Variants in GABRA3 observed in about 807,000 individuals in gnomAD.
GABRA3 encodes gamma-aminobutyric acid receptor subunit alpha-3.
In GABRA3, 10 loss-of-function variants were observed where a neutral mutation model predicts 30.1. That is an observed-to-expected ratio of 0.33 (90% CI 0.20 to 0.56). The LOEUF (loss-of-function observed/expected upper bound fraction) is 0.56. Among genes scored for constraint, GABRA3 ranks in the 20% least tolerant of loss-of-function variants. GABRA3 has a pLI of 0.89. For missense variants in GABRA3, 233 were observed against 392.0 expected (o/e 0.59, Z 3.42); for synonymous variants, 151 against 146.8 (o/e 1.03, Z -0.21).
rs5925144 is a variant in GABRA3, at chrX:152,213,997, G to A, written c.635-5853C>T. ...AACTGATATATTGTGTAGTGGACAA[G>A]TCTGAGCTTTTAGTGTACCCATTGC... is the stretch of plus-strand genomic sequence containing the variant. On this transcript the variant is annotated intron_variant, in intron 6 of 9. Transcript: ENST00000370314. Among the ~76,000 whole-genome samples, 875 of 111,142 alleles carry A rather than the reference G, an allele frequency of 7.9e-3. 5 individuals carry two copies. The highest frequency in any genetic ancestry group is 0.012 in the Non-Finnish European group (614 of 52,872).
chrX:152,192,112 A>G (rs1298447887), intron 8 of GABRA3, among the ~76,000 whole-genome samples: 1 of 112,306 alleles, frequency 8.9e-6, no homozygotes, highest in African/African-American at 3.2e-5. Context: ...TTTCTGTGCC[A>G]TATCTCAGTA....
intron 3 of GABRA3, among the ~76,000 whole-genome samples, chrX:152,288,166 C>G (rs1344568623): frequency 2.7e-5 from 3 of 111,643 alleles, no homozygotes; most frequent in African/African-American, 9.8e-5. Context: ...CTATTCCAAG[C>G]CCAGGCAAAA....
At chrX:152,312,947 G>C (rs1472843967) in intron 3 of GABRA3, among the ~76,000 whole-genome samples, 1 of 111,660 alleles carries the variant, frequency 9.0e-6, no homozygotes, top group Non-Finnish European at 1.9e-5. Context: ...ATTCCGACTG[G>C]TGTGAGATGG....
rs1174793509 is a variant in GABRA3, at chrX:152,238,461, G to T, written c.552-13616C>A. The stretch of plus-strand genomic sequence containing the variant: ...ATATTGGTCTAAAATTCTCTTTTTT[G>T]GTTGTGTCTCTGCCCGGCTTTGGTA... On this transcript the variant is annotated intron_variant, in intron 5 of 9. Coordinates refer to ENST00000370314, the MANE Select transcript of GABRA3 (RefSeq NM_000808.4). Among the ~76,000 whole-genome samples the T allele has an allele frequency of 6.6e-5, 7 of 106,679 alleles. No homozygotes were observed. In the East Asian group the frequency reaches 8.9e-4, roughly 14 times the overall value. 92.6% of individuals were successfully genotyped at this position (106,679 alleles called of 115,157 possible). A position where few individuals can be genotyped will look rare whatever the true frequency, so the allele number is the denominator to read the frequency against.
intron 1 of GABRA3, among the ~76,000 whole-genome samples, chrX:152,402,238 CTT>C (rs1329995847): frequency 1.8e-5 from 2 of 111,714 alleles, no homozygotes; most frequent in Non-Finnish European, 3.8e-5. Context: ...TGGAGGAAAA[CTT>C]TTCTCTATTC....
At chrX:152,364,333 G>C (rs1359092731) in intron 2 of GABRA3, 98 bp downstream of exon 2, 1 of 798,336 alleles carries the variant, frequency 1.3e-6, no homozygotes, top group Non-Finnish European at 1.8e-6. Context: ...TCAGAGACCA[G>C]AGTACTTGGG....
intron 5 of GABRA3, among the ~76,000 whole-genome samples, chrX:152,232,830 C>T (rs1230810529): frequency 9.1e-6 from 1 of 109,813 alleles, no homozygotes; most frequent in Non-Finnish European, 1.9e-5. Flanking sequence ...GTGTAGATAC[C>T]CAAGAGCGAG....
At chrX:152,269,585 A>T (rs1938889993) in intron 4 of GABRA3, among the ~76,000 whole-genome samples, 1 of 112,170 alleles carries the variant, frequency 8.9e-6, no homozygotes, top group South Asian at 3.7e-4. Context: ...TGACTTCAAA[A>T]CTTACTGTAA....
At chrX:152,212,880 G>A (rs1057093583) in intron 6 of GABRA3, among the ~76,000 whole-genome samples, 1 of 111,060 alleles carries the variant, frequency 9.0e-6, no homozygotes, top group African/African-American at 3.3e-5. Flanking sequence ...TTCTTCCACG[G>A]ATTTGGGCTC....
rs1000809593 is a variant in GABRA3, at chrX:152,169,131, C to T, written c.1144-568G>A. On this transcript the variant is annotated intron_variant, in intron 9 of 9. Transcript: ENST00000370314. Reference sequence around the variant, plus strand: ...TAGGCCCCGGACACTTTTTGGTTACCCAAGAAATAACTCCAGAAGGCCGTG... The same window carrying T: ...TAGGCCCCGGACACTTTTTGGTTACTCAAGAAATAACTCCAGAAGGCCGTG... 1.8e-4 allele frequency among the ~76,000 whole-genome samples: 20 copies of T among 112,091 alleles called. 1 individual carries two copies. In the Admixed American group the frequency reaches 1.8e-3, roughly 10 times the overall value.
chrX:152,374,344 T>C lies in GABRA3; in HGVS notation c.-26-9748A>G, dbSNP rs868576602. Among the ~76,000 whole-genome samples the C allele has an allele frequency of 4.6e-3, 402 of 86,702 alleles. 5 individuals are homozygous for C. Among genetic ancestry groups the C allele is most frequent in the African/African-American group, 0.016 (369 of 22,980 alleles). The allele number at this position is 86,702 out of a possible 115,157, so 75.3% of individuals were successfully genotyped here. A position where few individuals can be genotyped will look rare whatever the true frequency, so the allele number is the denominator to read the frequency against. ...AATTTTTTCTTTTCTTTTCTTTTTT[T>C]TTTTTTTTTTTTTTTGAGATGGAAT... On this transcript the variant is annotated intron_variant, in intron 1 of 9. Transcript: ENST00000370314.
chrX:152,374,043 T>C (rs1928918713), intron 1 of GABRA3, among the ~76,000 whole-genome samples: 1 of 111,553 alleles, frequency 9.0e-6, no homozygotes, highest in African/African-American at 3.3e-5. Flanking sequence ...GACATTTGCA[T>C]TTCTCTAATG....
rs1443812605 is a variant in GABRA3 at position 152,340,770 on chromosome X, A to C, written c.262+4811T>G. ...TTTCTTTTTATCATTGGTTCTAAGC[A>C]ATTTTTTCCTTTCTCTTGGTGTAAT... On this transcript the variant is annotated intron_variant, in intron 3 of 9. Transcript: ENST00000370314. Among the ~76,000 whole-genome samples the C allele has an allele frequency of 1.3e-4, 15 of 111,301 alleles. No individual in the cohort carries two copies. The Admixed American group carries it at 1.4e-3, about 11-fold the overall frequency.
chrX:152,424,550 T>C (rs971721880), intron 1 of GABRA3, among the ~76,000 whole-genome samples: 2 of 111,579 alleles, frequency 1.8e-5, no homozygotes, highest in Admixed American at 1.9e-4. Flanking sequence ...CTTGAAATGC[T>C]TCAATGGCTT....
chrX:152,248,545 C>T (rs1009077795), intron 5 of GABRA3, among the ~76,000 whole-genome samples: 4 of 111,089 alleles, frequency 3.6e-5, no homozygotes, highest in Admixed American at 9.6e-5. Context: ...GGAAATGAGC[C>T]GCTTGTCAAT....
intron 9 of GABRA3, among the ~76,000 whole-genome samples, chrX:152,188,851 C>G (rs868273254): frequency 2.4e-4 from 27 of 112,045 alleles, no homozygotes; most frequent in African/African-American, 8.4e-4. Flanking sequence ...GCCAGTTCCT[C>G]TTAGCATATT....
At chrX:152,266,702 T>C (rs943943246) in intron 4 of GABRA3, among the ~76,000 whole-genome samples, 3 of 111,249 alleles carry the variant, frequency 2.7e-5, no homozygotes, top group African/African-American at 9.8e-5. Flanking sequence ...CTATCATTAA[T>C]AGTAATCTCC....
Position 152,331,439 on chromosome X carries a change from G to T in GABRA3, c.262+14142C>A, listed in dbSNP as rs369775220. 2.1e-4 allele frequency among the ~76,000 whole-genome samples: 23 copies of T among 111,433 alleles called. No individual in the cohort carries two copies. The South Asian group carries it at 8.6e-3, about 42-fold the overall frequency. ...TCTGTACCTCACTAACCAGCTCATG[G>T]ACATCTTATGATTTTACAGGCACTT... On this transcript the variant is annotated intron_variant, in intron 3 of 9. Transcript: ENST00000370314.
At chrX:152,209,500 C>T (rs925531682) in intron 6 of GABRA3, among the ~76,000 whole-genome samples, 1 of 111,293 alleles carries the variant, frequency 9.0e-6, no homozygotes, top group African/African-American at 3.3e-5. Flanking sequence ...AGAGGGGTTC[C>T]TCCAGCTCAT....
Sources: allele counts gnomAD v4.1 joint callset (sites outside exome capture counted in the v4.1 genomes callset), GRCh38; gene constraint gnomAD v4.1.1; transcripts MANE v1.5; gene names NCBI Gene and HGNC (gene_info 2026-07-23, HGNC 2026-07-21).